The following GNG7 variants were observed in gnomAD, a reference collection of about 807,000 sequenced individuals.
GNG7 encodes guanine nucleotide-binding protein G(I)/G(S)/G(O) subunit gamma-7.
GNG7 carries 1 observed loss-of-function variant against 4.0 expected under a neutral mutation model. The ratio of observed to expected loss-of-function variants is 0.25; its 90% CI spans 0.09 to 1.18. The LOEUF is 1.18. Among genes scored for constraint, GNG7 ranks in the 50% most tolerant of loss-of-function variants. The pLI, the probability that GNG7 is intolerant of heterozygous loss-of-function variation, is 0.50. For synonymous variants in GNG7, 34 were observed against 36.9 expected (o/e 0.92, Z 0.29); for missense variants, 86 against 91.9 (o/e 0.94, Z 0.26).
At chr19:2,559,591 T>C (rs879570970) in intron 2 of GNG7, among the ~76,000 whole-genome samples, 1 of 152,050 alleles carries the variant, frequency 6.6e-6, no homozygotes, top group Non-Finnish European at 1.5e-5. Flanking sequence ...GTCGGCTCAC[T>C]GCAACCTCCG....
At chr19:2,585,656 G>A (rs915528661) in intron 2 of GNG7, among the ~76,000 whole-genome samples, 1 of 152,206 alleles carries the variant, frequency 6.6e-6, no homozygotes, top group Non-Finnish European at 1.5e-5. Flanking sequence ...ACAAAATGGA[G>A]ACATCATTCA....
chr19:2,527,782 C>CG (rs1368226577), intron 3 of GNG7, among the ~76,000 whole-genome samples: 1 of 151,776 alleles, frequency 6.6e-6, no homozygotes, highest in Non-Finnish European at 1.5e-5. Flanking sequence ...AAACCCCCCC[C>CG]CCCACCAGTG....
chr19:2,661,227 A>G (rs1948222901), intron 1 of GNG7, among the ~76,000 whole-genome samples: 1 of 143,884 alleles, frequency 7.0e-6, no homozygotes, highest in South Asian at 2.2e-4. Flanking sequence ...AAAAAAAAAG[A>G]AAAGGAAAGA....
chr19:2,566,390 C>T (rs1208557151), intron 2 of GNG7, among the ~76,000 whole-genome samples: 1 of 152,142 alleles, frequency 6.6e-6, no homozygotes, highest in Non-Finnish European at 1.5e-5. Flanking sequence ...GCCCTGCCTA[C>T]ACCTTGGCCT....
At chr19:2,555,229 A>G (rs751970780) in intron 2 of GNG7, 41 bp from the exon 3 acceptor site, 1 of 152,160 alleles carries the variant, frequency 6.6e-6, no homozygotes, top group Non-Finnish European at 1.5e-5. Flanking sequence ...GCATGGTTAC[A>G]TATTTTTTAC....
rs1391261870 is a variant in GNG7, at chr19:2,633,483, G to GCACACACA, written c.-78+12740_-78+12741insTGTGTGTG. Among the ~76,000 whole-genome samples, 2 of 80,308 alleles carry GCACACACA rather than the reference G, an allele frequency of 2.5e-5. No individual in the cohort carries two copies. Among genetic ancestry groups the GCACACACA allele is most frequent in the Non-Finnish European group, 6.1e-5 (2 of 32,596 alleles). The allele number at this position is 80,308 out of a possible 152,430, so 52.7% of individuals were successfully genotyped here. A position where few individuals can be genotyped will look rare whatever the true frequency, so the allele number is the denominator to read the frequency against. ...TGCTTAGCAACAGGCGCGCGCGCGC[G>GCACACACA]CGCGCACACACACACACACACACAC... is the stretch of plus-strand genomic sequence containing the variant. On this transcript the variant is annotated intron_variant, in intron 2 of 4. Transcript: ENST00000382159. This position sits in a 1 kb window ranked among gnomAD's most constrained non-coding sequence, Gnocchi z 5.9.
Position 2,526,410 on chromosome 19 carries a change from T to C in GNG7, c.-37-5685A>G, listed in dbSNP as rs1036366542. 2.1e-4 allele frequency among the ~76,000 whole-genome samples: 31 copies of C among 147,690 alleles called. 1 individual carries two copies. Among genetic ancestry groups the C allele is most frequent in the African/African-American group, 7.5e-4 (30 of 39,848 alleles). On this transcript the variant is annotated intron_variant, in intron 3 of 4. Coordinates refer to ENST00000382159, the MANE Select transcript of GNG7 (RefSeq NM_052847.3). The stretch of plus-strand genomic sequence containing the variant: ...GTGAGCCACCGCGCCTGGTCTACTA[T>C]TAGTTTATAATATAAACTTATACTA...
intron 2 of GNG7, among the ~76,000 whole-genome samples, chr19:2,600,993 G>C (rs1981181517): frequency 6.6e-6 from 1 of 152,084 alleles, no homozygotes; most frequent in Non-Finnish European, 1.5e-5. Flanking sequence ...ACATAAAGCA[G>C]TTGTGGTGGT....
At chr19:2,636,701 C>T (rs1444151621) in intron 2 of GNG7, among the ~76,000 whole-genome samples, 3 of 152,104 alleles carry the variant, frequency 2.0e-5, no homozygotes, top group Admixed American at 1.3e-4. Flanking sequence ...TCTGAGTGTG[C>T]CCACAGGGGC....
At chr19:2,612,297 G>A (rs7257068) in intron 2 of GNG7, among the ~76,000 whole-genome samples, 19,802 of 152,078 alleles carry the variant, frequency 0.13, 2,030 homozygotes, top group African/African-American at 0.28. Flanking sequence ...TCTGACCTCC[G>A]CCCACTCCAT....
In GNG7 at chr19:2,514,949, C is replaced by A; in HGVS notation, c.*73G>T. 7.9e-7 allele frequency: 1 copy of A among 1,264,490 alleles called. No homozygotes were observed. The allele number at this position is 1,264,490 out of a possible 1,614,324, so 78.3% of individuals were successfully genotyped here. A position where few individuals can be genotyped will look rare whatever the true frequency, so the allele number is the denominator to read the frequency against. ...GAGCTAATTACTGAATGATGCCCTG[C>A]CTGAGACAGAGACAGAGACAGAGAG... On this transcript the variant is annotated 3_prime_UTR_variant, in exon 5 of 5. Transcript: ENST00000382159.
At chr19:2,670,915 C>G (rs1408123748) in intron 1 of GNG7, among the ~76,000 whole-genome samples, 2 of 152,124 alleles carry the variant, frequency 1.3e-5, no homozygotes, top group Admixed American at 6.5e-5. Context: ...TGCTGAGGTC[C>G]CAGGAGGCTG....
At position 2,511,857 on chromosome 19, in the gene GNG7, G is replaced by A. The variant is rs1052972890; in HGVS notation, c.*3165C>T. 4 of 986,188 alleles carry A rather than the reference G, an allele frequency of 4.1e-6. No individual in the cohort carries two copies. The highest frequency in any genetic ancestry group is 4.8e-6 in the Non-Finnish European group (4 of 830,170). The allele number at this position is 986,188 out of a possible 1,614,324, so 61.1% of individuals were successfully genotyped here. A position where few individuals can be genotyped will look rare whatever the true frequency, so the allele number is the denominator to read the frequency against. ...GCCTGGGGTTACCCCTGGGGAGGGT[G>A]GGAGAGGGGTGAGGGTTCTGGCTCC... On this transcript the variant is annotated 3_prime_UTR_variant, in exon 5 of 5. Transcript: ENST00000382159. The surrounding 1 kb of genome is among the most constrained non-coding windows in gnomAD (Gnocchi z 6.3).
chr19:2,527,855 T>A (rs1978459843), intron 3 of GNG7, among the ~76,000 whole-genome samples: 1 of 150,410 alleles, frequency 6.6e-6, no homozygotes, highest in Non-Finnish European at 1.5e-5. Flanking sequence ...TGGGGGAAAA[T>A]TTTAGGCCTT....
intron 2 of GNG7, 106 bp from the exon 3 acceptor site, chr19:2,555,294 TC>T (rs1445285225): frequency 1.4e-5 from 2 of 147,090 alleles, no homozygotes; most frequent in African/African-American, 5.1e-5. Context: ...GACGTTGCTG[TC>T]CCCAAAAATG....
chr19:2,699,289 C>T (rs1913343851), intron 1 of GNG7, among the ~76,000 whole-genome samples: 3 of 151,954 alleles, frequency 2.0e-5, no homozygotes, highest in South Asian at 4.2e-4. Context: ...GCTGGGATTA[C>T]AGGCGTGTGC....
At chr19:2,615,768 G>A (rs986344429) in intron 2 of GNG7, among the ~76,000 whole-genome samples, 2 of 152,094 alleles carry the variant, frequency 1.3e-5, no homozygotes, top group African/African-American at 4.8e-5. Flanking sequence ...TGGCCCATCT[G>A]TGAGATTCTG....
intron 3 of GNG7, among the ~76,000 whole-genome samples, chr19:2,542,436 G>C (rs568040214): frequency 6.6e-6 from 1 of 152,038 alleles, no homozygotes; most frequent in African/African-American, 2.4e-5. Context: ...TTTTTCATTT[G>C]TGCACTGAAT....
chr19:2,526,002 GCT>G (rs2144733064), intron 3 of GNG7, among the ~76,000 whole-genome samples: 1 of 55,720 alleles, frequency 1.8e-5, no homozygotes, highest in East Asian at 6.6e-4. Context: ...ACAGAGTCTG[GCT>G]CTGTCTCCGA....
Sources: allele counts gnomAD v4.1 joint callset (sites outside exome capture counted in the v4.1 genomes callset), GRCh38; gene constraint gnomAD v4.1.1; non-coding constraint Gnocchi (gnomAD v3.1); transcripts MANE v1.5; gene names NCBI Gene and HGNC (gene_info 2026-07-23, HGNC 2026-07-21).